CENPN: variants seen among roughly 807,000 people sequenced by gnomAD.
CENPN encodes centromere protein N, also known as interphase centromere complex protein 32.
Under a neutral mutation model 48.6 loss-of-function variants are expected in CENPN, and 36 were observed. That is an observed-to-expected ratio of 0.74 (90% CI 0.57 to 0.98). The LOEUF (loss-of-function observed/expected upper bound fraction) is 0.98. Ranked by LOEUF, CENPN falls within the 50% of genes least tolerant of loss-of-function variation. The probability of loss-of-function intolerance (pLI) is 0.00; values close to 1 mark genes in which losing one functional copy is unlikely to be tolerated. For synonymous variants in CENPN, 166 were observed against 135.2 expected, an observed-to-expected ratio of 1.23 and a Z score of -1.58; for missense variants, 439 against 399.2, an observed-to-expected ratio of 1.10 and a Z score of -0.85.
At chr16:81,018,865 G>C (rs1418617393) in intron 5 of CENPN, among the ~76,000 whole-genome samples, 1 of 152,252 alleles carries the variant, frequency 6.6e-6, no homozygotes, top group Non-Finnish European at 1.5e-5. Context: ...GGAGGAAACA[G>C]AGACGTGGGC....
At chr16:81,026,787 C>T (rs1282924856) in intron 9 of CENPN, 149 bp downstream of exon 9, 3 of 436,536 alleles carry the variant, frequency 6.9e-6, no homozygotes, top group Admixed American at 7.9e-5. Flanking sequence ...AAATAGACCT[C>T]TTTATTGTAT....
chr16:81,022,642 C>G lies in CENPN; in HGVS notation c.577C>G (p.Leu193Val). 6.2e-7 allele frequency: 1 copy of G among 1,614,058 alleles called. No homozygotes were observed. The highest frequency in any genetic ancestry group is 8.5e-7 in the Non-Finnish European group (1 of 1,179,994). Residue 193 changes from leucine to valine, a missense_variant, in exon 7 of 11, where the codon CTG becomes GTG. Leu to Val is a conservative substitution (Grantham distance 32). Transcript: ENST00000305850. ...ACACCATCAGATTGTGAAAATGGACCTGAGAAGTCGGTATCTGGACTCTCT... is the reference window on the plus strand; with the variant it reads ...ACACCATCAGATTGTGAAAATGGACGTGAGAAGTCGGTATCTGGACTCTCT... The part of the protein sequence containing the change: ...SKHHQIVKMD[L>V]RSRYLDSLKA...
At chr16:81,021,160 A>C (rs1271753077) in intron 6 of CENPN, among the ~76,000 whole-genome samples, 1 of 152,012 alleles carries the variant, frequency 6.6e-6, no homozygotes, top group Non-Finnish European at 1.5e-5. Flanking sequence ...TTACTTTTTC[A>C]TAATTGTATA....
At chr16:81,019,652 AAC>A (rs893483286) in intron 5 of CENPN, among the ~76,000 whole-genome samples, 1 of 152,102 alleles carries the variant, frequency 6.6e-6, no homozygotes, top group African/African-American at 2.4e-5. Flanking sequence ...CGTAAGGAGG[AAC>A]AGTTTTCAGG....
intron 7 of CENPN, chr16:81,022,968 A>G (rs1597101596): frequency 1.6e-6 from 2 of 1,254,196 alleles, no homozygotes; most frequent in Non-Finnish European, 2.2e-6. Flanking sequence ...TCACACTAGA[A>G]TTTGTTTTCT....
At chr16:81,008,055 C>T (rs1969535928) in intron 1 of CENPN, among the ~76,000 whole-genome samples, 1 of 151,988 alleles carries the variant, frequency 6.6e-6, no homozygotes, top group African/African-American at 2.4e-5. Flanking sequence ...TGCAGTGACC[C>T]GAGATCGCGC....
At chr16:81,027,415 G>T (rs1279570336) in intron 9 of CENPN, among the ~76,000 whole-genome samples, 1 of 152,152 alleles carries the variant, frequency 6.6e-6, no homozygotes, top group South Asian at 2.1e-4. Flanking sequence ...AGCCAGGGAG[G>T]TCGAGGCTGC....
chr16:81,024,845 T>C, intron 8 of CENPN, 67 bp downstream of exon 8: 2 of 1,027,546 alleles, frequency 1.9e-6, no homozygotes, highest in Non-Finnish European at 3.0e-6. Flanking sequence ...TTCTTTCACT[T>C]GGTAAAACGT....
chr16:81,032,726 AT>A (rs771807130), downstream of CENPN: 11 of 1,583,214 alleles, frequency 6.9e-6, no homozygotes, highest in African/African-American at 1.5e-4. Flanking sequence ...AGACATTTAA[AT>A]GGTTAATCAA....
rs74028900 is a variant in CENPN at position 81,028,136 on chromosome 16, A to G, written c.811-35A>G. The G allele has an allele frequency of 4.2e-4, 608 of 1,449,860 alleles. 2 individuals are homozygous for G. The African/African-American group carries it at 8.1e-3, about 19-fold the overall frequency. 89.8% of individuals were successfully genotyped at this position (1,449,860 alleles called of 1,614,324 possible). A position where few individuals can be genotyped will look rare whatever the true frequency, so the allele number is the denominator to read the frequency against. On this transcript the variant is annotated intron_variant, in intron 9 of 10. Coordinates refer to ENST00000305850, the MANE Select transcript of CENPN (RefSeq NM_001100624.3). The stretch of plus-strand genomic sequence containing the variant: ...ATTTTACCATTCGTATTTATACAAT[A>G]TGTTTAATAGTCATTTATAAATGTT...
At chr16:81,031,626 C>T (rs1970781720), downstream of CENPN, 1 of 152,236 alleles carries the variant, frequency 6.6e-6, no homozygotes, top group African/African-American at 2.4e-5. Context: ...TTGTGTTCCA[C>T]ACCTCTCCCA....
intron 1 of CENPN, among the ~76,000 whole-genome samples, chr16:81,011,380 G>C (rs1969733611): frequency 6.6e-6 from 1 of 152,108 alleles, no homozygotes; most frequent in African/African-American, 2.4e-5. Context: ...CTCCCCACTA[G>C]AATGGATGTG....
Position 81,024,785 on chromosome 16 carries a change from G to T in CENPN, c.697+7G>T. 1 of 1,585,454 alleles carries T rather than the reference G, an allele frequency of 6.3e-7. No individual in the cohort carries two copies. The highest frequency in any genetic ancestry group is 2.2e-5 in the East Asian group (1 of 44,502). On this transcript the variant is annotated splice_region_variant and intron_variant, in intron 8 of 10. Coordinates refer to ENST00000305850, the MANE Select transcript of CENPN (RefSeq NM_001100624.3). ...CTTGGACTAGATATAAATAGTACGT[G>T]TGTGTTAATATGAAACTGAATTTTG...
intron 1 of CENPN, among the ~76,000 whole-genome samples, chr16:81,010,730 C>T (rs1321270673): frequency 1.3e-5 from 2 of 152,192 alleles, no homozygotes; most frequent in African/African-American, 2.4e-5. Context: ...CAGTCTTGGC[C>T]GTCTCAGCTA....
chr16:81,025,714 T>C (rs1220859386), intron 8 of CENPN, among the ~76,000 whole-genome samples: 7 of 96,922 alleles, frequency 7.2e-5, no homozygotes, highest in African/African-American at 2.0e-4. Context: ...TTTTTTTTTT[T>C]TTTTTTAAGA....
chr16:81,022,406 T>C (rs1970256217), intron 6 of CENPN, 191 bp from the exon 7 acceptor site: 1 of 550,658 alleles, frequency 1.8e-6, no homozygotes, highest in African/African-American at 1.9e-5. Context: ...ACTGCATTTA[T>C]CAGAGTATTA....
chr16:81,017,990 T>C (rs1355696624), intron 5 of CENPN, among the ~76,000 whole-genome samples, 156 bp downstream of exon 5: 1 of 152,062 alleles, frequency 6.6e-6, no homozygotes, highest in Non-Finnish European at 1.5e-5. Context: ...CTGTAAATAT[T>C]ATGAAAACTT....
intron 1 of CENPN, among the ~76,000 whole-genome samples, chr16:81,007,787 C>A (rs540503139): frequency 6.6e-6 from 1 of 152,292 alleles, no homozygotes; most frequent in East Asian, 1.9e-4. Context: ...ATGTCAGACA[C>A]TAAAACGCTA....
chr16:81,025,400 T>C (rs1322269969), intron 8 of CENPN, among the ~76,000 whole-genome samples: 1 of 152,152 alleles, frequency 6.6e-6, no homozygotes, highest in Non-Finnish European at 1.5e-5. Context: ...ATGAAAACTT[T>C]CCTATCTCTT....
Sources: gnomAD v4.1 joint callset for allele counts (sites outside exome capture counted in the v4.1 genomes callset) on GRCh38, gnomAD v4.1.1 for gene constraint, MANE v1.5 for transcripts, NCBI Gene and HGNC (gene_info 2026-07-23, HGNC 2026-07-21) for gene names.